Variants in AGBL1 observed in about 807,000 individuals in gnomAD.
AGBL1 encodes cytosolic carboxypeptidase 4.
In AGBL1, 130 loss-of-function variants were observed where a neutral mutation model predicts 118.9. That is an observed-to-expected ratio of 1.09 (90% CI 0.95 to 1.26). The LOEUF (loss-of-function observed/expected upper bound fraction) is 1.26. Among genes scored for constraint, AGBL1 ranks in the 50% most tolerant of loss-of-function variants. The pLI is 0.00. For missense variants in AGBL1, 1,584 were observed against 1,298.1 expected (o/e 1.22, Z -3.38); for synonymous variants, 555 against 478.9 (o/e 1.16, Z -2.08).
At chr15:86,087,633 AT>A (rs1233260648) in intron 1 of AGBL1, among the ~76,000 whole-genome samples, 2 of 152,168 alleles carry the variant, frequency 1.3e-5, no homozygotes, top group African/African-American at 2.4e-5. Flanking sequence ...CCCCGCCCTC[AT>A]TTAATCTTTG....
intron 16 of AGBL1, among the ~76,000 whole-genome samples, chr15:86,283,118 A>T (rs1274060775): frequency 6.6e-6 from 1 of 152,234 alleles, no homozygotes; most frequent in Non-Finnish European, 1.5e-5. Flanking sequence ...GAAGCAAACA[A>T]AAAAGCTCTA....
chr15:86,628,893 G>T (rs1344534411), intron 21 of AGBL1, among the ~76,000 whole-genome samples: 2 of 152,140 alleles, frequency 1.3e-5, no homozygotes, highest in Non-Finnish European at 2.9e-5. Context: ...TATATTAAAG[G>T]TGTACAACAA....
At position 86,290,417 on chromosome 15, in the gene AGBL1, C is replaced by G. The variant is rs1168704043; in HGVS notation, c.2221-4838C>G. On this transcript the variant is annotated intron_variant, in intron 16 of 22. Transcript: ENST00000614907. ...CCAGGATGGAGTGCAGTGACTTGAT[C>G]TAGGCTCACTGCAGCCTTGACCTCC... Among the ~76,000 whole-genome samples, 8 of 146,146 alleles carry G rather than the reference C, an allele frequency of 5.5e-5. No homozygotes were observed. The Admixed American group carries it at 5.5e-4, about 10-fold the overall frequency.
At chr15:86,384,253 G>A (rs1596045434) in intron 17 of AGBL1, among the ~76,000 whole-genome samples, 1 of 152,294 alleles carries the variant, frequency 6.6e-6, no homozygotes, top group East Asian at 1.9e-4. Flanking sequence ...ATCAGTTAAT[G>A]CTTTCCTCCT....
chr15:86,790,274 G>A (rs1367896329), intron 22 of AGBL1, among the ~76,000 whole-genome samples: 1 of 151,818 alleles, frequency 6.6e-6, no homozygotes, highest in Non-Finnish European at 1.5e-5. Flanking sequence ...CTGAGGAAAG[G>A]AACTTGTGTG....
At chr15:86,625,677 G>T (rs1224265110) in intron 21 of AGBL1, among the ~76,000 whole-genome samples, 2 of 152,078 alleles carry the variant, frequency 1.3e-5, no homozygotes, top group African/African-American at 2.4e-5. Flanking sequence ...AATGGTAGTA[G>T]CAAAATGGGT....
At chr15:86,985,911 T>G (rs1054190877) in intron 23 of AGBL1, among the ~76,000 whole-genome samples, 3 of 151,698 alleles carry the variant, frequency 2.0e-5, no homozygotes, top group Non-Finnish European at 4.4e-5. Context: ...TTTTTTTATA[T>G]GGATAGCAAT....
intron 18 of AGBL1, among the ~76,000 whole-genome samples, chr15:86,418,019 A>C (rs967563371): frequency 6.6e-6 from 1 of 152,196 alleles, no homozygotes; most frequent in African/African-American, 2.4e-5. Context: ...TAGATGGATC[A>C]AGTCTTGAAT....
At chr15:86,560,000 AAGAT>A (rs1181391033) in intron 21 of AGBL1, among the ~76,000 whole-genome samples, 1 of 152,114 alleles carries the variant, frequency 6.6e-6, no homozygotes, top group East Asian at 1.9e-4. Flanking sequence ...TTGGAACTAA[AAGAT>A]AGGTGTGGTT....
At chr15:86,471,887 C>T (rs561755009) in intron 18 of AGBL1, among the ~76,000 whole-genome samples, 1 of 152,114 alleles carries the variant, frequency 6.6e-6, no homozygotes. Flanking sequence ...ACAATGTTGG[C>T]AAATGTCACT....
intron 1 of AGBL1, among the ~76,000 whole-genome samples, chr15:86,131,741 G>A (rs375971799): frequency 6.6e-6 from 1 of 152,146 alleles, no homozygotes; most frequent in African/African-American, 2.4e-5. Context: ...TTGAGCTCAG[G>A]AGTTCAAGGC....
chr15:86,513,386 G>GTACC (rs567667842), intron 18 of AGBL1, among the ~76,000 whole-genome samples: 1 of 151,954 alleles, frequency 6.6e-6, no homozygotes, highest in Non-Finnish European at 1.5e-5. Context: ...AGGTGATGTT[G>GTACC]TACCCTTCTC....
At chr15:86,972,472 G>A (rs1319744886) in intron 23 of AGBL1, among the ~76,000 whole-genome samples, 3 of 151,998 alleles carry the variant, frequency 2.0e-5, no homozygotes, top group Non-Finnish European at 2.9e-5. Flanking sequence ...TTCAAACAAA[G>A]CGTTTTTTAT....
chr15:86,449,219 A>G (rs1354189055), intron 18 of AGBL1, among the ~76,000 whole-genome samples: 1 of 152,234 alleles, frequency 6.6e-6, no homozygotes, highest in East Asian at 1.9e-4. Context: ...CACAACAGTG[A>G]TAACTGTGCC....
chr15:86,520,585 T>C (rs574407771), intron 18 of AGBL1, among the ~76,000 whole-genome samples: 1 of 152,282 alleles, frequency 6.6e-6, no homozygotes, highest in South Asian at 2.1e-4. Context: ...CCATGGAGCA[T>C]AGGGAAAGAA....
At chr15:86,220,095 G>A (rs2078257494) in intron 5 of AGBL1, among the ~76,000 whole-genome samples, 2 of 151,952 alleles carry the variant, frequency 1.3e-5, no homozygotes, top group South Asian at 4.2e-4. Flanking sequence ...GGGATTACAG[G>A]GGCCTGCCAC....
At chr15:86,848,185 C>A (rs2079345749) in intron 22 of AGBL1, among the ~76,000 whole-genome samples, 1 of 152,174 alleles carries the variant, frequency 6.6e-6, no homozygotes, top group Non-Finnish European at 1.5e-5. Context: ...CCAGACTTCC[C>A]ATTTTCCCAC....
At chr15:86,314,216 G>T (rs2079963246) in intron 17 of AGBL1, among the ~76,000 whole-genome samples, 1 of 152,188 alleles carries the variant, frequency 6.6e-6, no homozygotes, top group Admixed American at 6.5e-5. Context: ...CATGGAAATG[G>T]CCTCCCACTC....
At chr15:86,296,315 C>G (rs959272826) in intron 17 of AGBL1, 13 of 152,060 alleles carry the variant, frequency 8.5e-5, no homozygotes, top group African/African-American at 3.1e-4. Context: ...AAGCTGGATG[C>G]CCAGCTTAAT....
Sources: allele counts gnomAD v4.1 joint callset (sites outside exome capture counted in the v4.1 genomes callset), GRCh38; gene constraint gnomAD v4.1.1; transcripts MANE v1.5; gene names NCBI Gene and HGNC (gene_info 2026-07-23, HGNC 2026-07-21).